TTN: variants seen among roughly 807,000 people sequenced by gnomAD.
TTN encodes connectin.
In TTN, 1,525 loss-of-function variants were observed where a neutral mutation model predicts 3,223.0. The observed-to-expected ratio is 0.47, with a 90% CI of 0.45 to 0.49. TTN has a LOEUF of 0.49. TTN is among the 20% of genes least tolerant of loss of function. The pLI, the probability that TTN is intolerant of heterozygous loss-of-function variation, is 0.00. For synonymous variants in TTN, 14,094 were observed against 15,161.0 expected (o/e 0.93, Z 5.17); for missense variants, 40,786 against 43,424.0 (o/e 0.94, Z 5.40).
rs772361510 is a variant in TTN at position 178,546,132 on chromosome 2, T to C, written c.95120-16A>G. 1.1e-5 allele frequency: 17 copies of C among 1,592,302 alleles called. No individual in the cohort carries two copies. Among genetic ancestry groups the C allele is most frequent in the Non-Finnish European group, 1.4e-5 (16 of 1,167,964 alleles). ...CCAGGGGAATCTGAAACAGGTGTAA[T>C]GACAAGCCATGATGAAGATCATTCT... On this transcript the variant is annotated splice_polypyrimidine_tract_variant and intron_variant, in intron 342 of 362. Coordinates refer to ENST00000589042, the MANE Select transcript of TTN (RefSeq NM_001267550.2).
chr2:178,602,759 C>T (rs1191035444), intron 282 of TTN, among the ~76,000 whole-genome samples, 169 bp from the exon 283 acceptor site: 1 of 151,844 alleles, frequency 6.6e-6, no homozygotes, highest in East Asian at 1.9e-4. Flanking sequence ...AGGAAATGGT[C>T]TATTTTCCTT....
chr2:178,539,297 A>C, intron 352 of TTN, 46 bp from the exon 353 acceptor site: 1 of 1,598,788 alleles, frequency 6.3e-7, no homozygotes, highest in South Asian at 1.1e-5. Context: ...ATACAGTCCC[A>C]AGTATTATAA....
Position 178,554,517 on chromosome 2 carries a change from G to A in TTN, c.88830C>T (p.Ala29610=), listed in dbSNP as rs750893192. The change falls in exon 332 of 363, where the codon GCC becomes GCT. Residue 29610 remains alanine, a synonymous_variant. Coordinates refer to ENST00000589042, the MANE Select transcript of TTN (RefSeq NM_001267550.2). ...GCTCGCCAATTCCATATTTGTTCAC[G>A]GCTCGGACCCGGAAGATGTATTCAT... The part of the protein sequence containing the change: ...KGNEYIFRVR[A]VNKYGIGEPL... 3.1e-6 allele frequency: 5 copies of A among 1,613,302 alleles called. No homozygotes were observed. The South Asian group carries it at 3.3e-5, about 11-fold the overall frequency.
intron 163 of TTN, among the ~76,000 whole-genome samples, chr2:178,666,341 A>T (rs983026788): frequency 7.3e-6 from 1 of 136,178 alleles, no homozygotes; most frequent in African/African-American, 2.7e-5. Flanking sequence ...AGATATTCAA[A>T]ATGAAAAAAA....
rs536536380 is a variant in TTN, at chr2:178,719,648, G to T, written c.23844C>A (p.Ile7948=). ...TFINKVASLK[I]PCAEMSDKGL... Reference sequence around the variant, plus strand: ...CTTTGTCACTCATTTCGGCACAGGGGATTTTAAGGGAAGCCACTTTATTGA... The same window carrying T: ...CTTTGTCACTCATTTCGGCACAGGGTATTTTAAGGGAAGCCACTTTATTGA... Residue 7948 remains isoleucine (I), a synonymous_variant, in exon 82 of 363, where the codon ATC becomes ATA. Transcript: ENST00000589042. 6.8e-6 allele frequency: 11 copies of T among 1,613,694 alleles called. No homozygotes were observed. In the African/African-American group the frequency reaches 1.1e-4, roughly 16 times the overall value.
chr2:178,746,122 T>C (rs1283405825), intron 47 of TTN: 4 of 1,613,350 alleles, frequency 2.5e-6, no homozygotes, highest in Middle Eastern at 1.6e-4. Context: ...TAATCACGTA[T>C]TTAATATTAT....
chr2:178,677,768 C>T lies in TTN; in HGVS notation c.34144G>A (p.Glu11382Lys), dbSNP rs777540225. 6 of 1,613,006 alleles carry T rather than the reference C, an allele frequency of 3.7e-6. No individual in the cohort carries two copies. In the South Asian group the frequency reaches 5.5e-5, roughly 15 times the overall value. The change falls in exon 146 of 363, where the codon GAG (glutamate) becomes AAG (lysine). Residue 11382 changes from glutamate to lysine, a missense_variant. By Grantham distance (56) the Glu-to-Lys change is moderately conservative (BLOSUM62 1). Coordinates refer to ENST00000589042, the MANE Select transcript of TTN (RefSeq NM_001267550.2). ...TCCTCTTCTTCAGGTAGAACTTCCT[C>T]TTCTTCAGGTAGAACTTCCTCTTCC... ...PEEEEVLPEE[E>K]EVLPEEEEIP...
rs750035436 is a variant in TTN at position 178,582,161 on chromosome 2, C to G, written c.66208G>C (p.Asp22070His). The change falls in exon 315 of 363, where the codon GAT becomes CAT. Residue 22070 changes from aspartate (D) to histidine (H), a missense_variant. Physicochemically the swap from Asp to His is moderately conservative, Grantham distance 81. Coordinates refer to ENST00000589042, the MANE Select transcript of TTN (RefSeq NM_001267550.2). ...DPPVISNITK[D>H]HMTVSWKPPA... is the part of the protein sequence containing the mutation. ...GGCTTCCAGCTGACTGTCATGTGAT[C>G]TTTGGTTATGTTGCTAATAACAGGA... is the stretch of plus-strand genomic sequence containing the variant. 1 of 1,612,770 alleles carries G rather than the reference C, an allele frequency of 6.2e-7. No individual in the cohort carries two copies. Among genetic ancestry groups the G allele is most frequent in the Non-Finnish European group, 8.5e-7 (1 of 1,179,502 alleles).
Position 178,587,788 on chromosome 2 carries a change from A to T in TTN, c.63521T>A (p.Ile21174Asn). The change falls in exon 306 of 363, where the codon ATT (isoleucine) becomes AAT (asparagine). Residue 21174 changes from isoleucine (I) to asparagine (N), a missense_variant. Physicochemically the swap from Ile to Asn is moderately radical, Grantham distance 149. Coordinates refer to ENST00000589042, the MANE Select transcript of TTN (RefSeq NM_001267550.2). ...KPKEILEPPE[I>N]DLDASMRKLV... Reference sequence around the variant, plus strand: ...TTTCCTCATGCTGGCATCCAAATCAATCTCCGGAGGTTCTGCAAATGACAT... The same window carrying T: ...TTTCCTCATGCTGGCATCCAAATCATTCTCCGGAGGTTCTGCAAATGACAT... 1 of 1,600,252 alleles carries T rather than the reference A, an allele frequency of 6.2e-7. No homozygotes were observed. The highest frequency in any genetic ancestry group is 8.5e-7 in the Non-Finnish European group (1 of 1,172,166).
At position 178,568,256 on chromosome 2, in the gene TTN, G is replaced by A. The variant is rs746565128; in HGVS notation, c.77876C>T (p.Thr25959Ile). Residue 25959 changes from threonine to isoleucine, a missense_variant, in exon 326 of 363, where the codon ACA becomes ATA. By Grantham distance (89) the Thr-to-Ile change is moderately conservative. Transcript: ENST00000589042. The stretch of plus-strand genomic sequence containing the variant: ...GGCAAATATTCTAAATTGGTATTCT[G>A]TACCAGTTTTCAGTTTGGTCACTTT... ...TLKVTKLKTGTEYQFRIFAEN... is the reference protein window; with the variant it reads ...TLKVTKLKTGIEYQFRIFAEN... The A allele has an allele frequency of 6.2e-7, 1 of 1,613,358 alleles. No individual in the cohort carries two copies. The highest frequency in any genetic ancestry group is 1.3e-5 in the African/African-American group (1 of 74,860).
rs199742163 is a variant in TTN, at chr2:178,597,713, G to A, written c.57369C>T (p.Thr19123=). ...TTCTTTCATTCATGTTCCAGGTGAC[G>A]GTTGGAGGAGGCTTTCCAGACACAT... ...IAYVSGKPPP[T]VTWNMNERTL... Residue 19123 remains threonine (T), a synonymous_variant, in exon 294 of 363, where the codon ACC becomes ACT. Transcript: ENST00000589042. 2.9e-5 allele frequency: 47 copies of A among 1,613,126 alleles called. No individual in the cohort carries two copies. Among genetic ancestry groups the A allele is most frequent in the Middle Eastern group, 1.6e-4 (1 of 6,080 alleles).
rs2154169785 is a variant in TTN, at chr2:178,572,013, C to T, written c.74119G>A (p.Val24707Met). ...ISDPRQLSVP[V>M]IAKDLVIPPA... is the part of the protein sequence containing the mutation. ...GGAATGACAAGATCTTTGGCGATCA[C>T]TGGCACACTCAGTTGTCTAGGATCA... Residue 24707 changes from valine to methionine, a missense_variant, in exon 326 of 363, where the codon GTG becomes ATG. Transcript: ENST00000589042. 6.2e-7 allele frequency: 1 copy of T among 1,613,260 alleles called. No individual in the cohort carries two copies. Among genetic ancestry groups the T allele is most frequent in the Non-Finnish European group, 8.5e-7 (1 of 1,179,568 alleles).
Position 178,620,367 on chromosome 2 carries a change from A to C in TTN, c.46154T>G (p.Leu15385Arg). The C allele has an allele frequency of 6.2e-7, 1 of 1,610,236 alleles. No individual in the cohort carries two copies. Among genetic ancestry groups the C allele is most frequent in the Non-Finnish European group, 8.5e-7 (1 of 1,177,950 alleles). ...AAATTCTGTCGGGGCTTCTATGATG[A>C]GAAGCTCAGCAACAGATTTATCTTG... is the stretch of plus-strand genomic sequence containing the variant. The part of the protein sequence containing the change: ...AGQDKSVAEL[L>R]IIEAPTEFVE... Residue 15385 changes from leucine to arginine, a missense_variant, in exon 248 of 363, where the codon CTC (leucine) becomes CGC (arginine). Coordinates refer to ENST00000589042, the MANE Select transcript of TTN (RefSeq NM_001267550.2).
Position 178,529,018 on chromosome 2 carries a change from T to G in TTN, c.106733A>C (p.Lys35578Thr). The G allele has an allele frequency of 6.2e-7, 1 of 1,614,016 alleles. No individual in the cohort carries two copies. The highest frequency in any genetic ancestry group is 8.5e-7 in the Non-Finnish European group (1 of 1,179,878). Reference protein sequence around the residue: ...SKVLISEEVKKSAATSLEKSI... With the variant: ...SKVLISEEVKTSAATSLEKSI... ...TTTTTCCAGGGAGGTTGCTGCTGAT[T>G]TCTTGACTTCTTCAGAAATCAGAAC... The change falls in exon 360 of 363, where the codon AAA (lysine) becomes ACA (threonine). Residue 35578 changes from lysine to threonine, a missense_variant. Coordinates refer to ENST00000589042, the MANE Select transcript of TTN (RefSeq NM_001267550.2).
rs775293848 is a variant in TTN at position 178,730,996 on chromosome 2, C to G, written c.17669G>C (p.Ser5890Thr). The change falls in exon 60 of 363, where the codon AGT becomes ACT. Residue 5890 changes from serine (S) to threonine (T), a missense_variant. By Grantham distance (58) the Ser-to-Thr change is moderately conservative. Coordinates refer to ENST00000589042, the MANE Select transcript of TTN (RefSeq NM_001267550.2). Reference sequence around the variant, plus strand: ...TTGGACCTCGAAAGTATATTCTCCACTATCTTTCTTTTCTGTAGAAATAAT... The same window carrying G: ...TTGGACCTCGAAAGTATATTCTCCAGTATCTTTCTTTTCTGTAGAAATAAT... Reference protein sequence around the residue: ...LKIISTEKKDSGEYTFEVQND... With the variant: ...LKIISTEKKDTGEYTFEVQND... 10 of 1,613,396 alleles carry G rather than the reference C, an allele frequency of 6.2e-6. No individual in the cohort carries two copies. The Admixed American group carries it at 1.7e-4, about 27-fold the overall frequency.
chr2:178,647,813 C>T (rs1560069064), intron 213 of TTN, among the ~76,000 whole-genome samples: 1 of 152,094 alleles, frequency 6.6e-6, no homozygotes. Context: ...TTCTTAAGCT[C>T]CTGATACACA....
chr2:178,639,578 C>T, intron 223 of TTN, 121 bp downstream of exon 223: 1 of 1,023,180 alleles, frequency 9.8e-7, no homozygotes, highest in South Asian at 1.4e-5. Flanking sequence ...TACCATAAAC[C>T]TCCGAAGTTG....
Position 178,533,853 on chromosome 2 carries a change from C to T in TTN, c.102762G>A (p.Leu34254=). The T allele has an allele frequency of 2.5e-6, 4 of 1,613,900 alleles. No individual in the cohort carries two copies. The highest frequency in any genetic ancestry group is 3.4e-6 in the Non-Finnish European group (4 of 1,179,858). The stretch of plus-strand genomic sequence containing the variant: ...GCAGGGTAAATTCTGGTGGCCTTTC[C>T]AGGAGTCTCATTGTGTCTGTTCTGC... ...IKRRTDTMRL[L]ERPPEFTLPL... Residue 34254 remains leucine, a synonymous_variant, in exon 358 of 363, where the codon CTG becomes CTA. Coordinates refer to ENST00000589042, the MANE Select transcript of TTN (RefSeq NM_001267550.2).
rs1329307539 is a variant in TTN, at chr2:178,563,854, G to A, written c.82278C>T (p.Ala27426=). 1.2e-6 allele frequency: 2 copies of A among 1,613,650 alleles called. No individual in the cohort carries two copies. Among genetic ancestry groups the A allele is most frequent in the Admixed American group, 1.7e-5 (1 of 59,990 alleles). The change falls in exon 326 of 363, where the codon GCC becomes GCT. Residue 27426 remains alanine, a synonymous_variant. Transcript: ENST00000589042. This position sits in a 1 kb window ranked among gnomAD's most constrained non-coding sequence, Gnocchi z 4.5. ...SWTQVSTEVQ[A]LNYKVTKLLP... ...GAAGTTTAGTAACTTTGTAGTTAAG[G>A]GCCTGTACCTCAGTTGAAACCTGGG...
Sources: gnomAD v4.1 joint callset for allele counts (sites outside exome capture counted in the v4.1 genomes callset) on GRCh38, gnomAD v4.1.1 for gene constraint, Gnocchi (gnomAD v3.1) non-coding constraint, MANE v1.5 for transcripts, NCBI Gene and HGNC (gene_info 2026-07-23, HGNC 2026-07-21) for gene names.